The following SRRT variants were observed in gnomAD, a reference collection of about 807,000 sequenced individuals.
SRRT encodes serrate, RNA effector molecule, also known as serrate RNA effector molecule homolog.
Under a neutral mutation model 103.2 loss-of-function variants are expected in SRRT, and 32 were observed. The ratio of observed to expected loss-of-function variants is 0.31; its 90% CI spans 0.23 to 0.42. The LOEUF is 0.42. Among genes scored for constraint, SRRT ranks in the 10% least tolerant of loss-of-function variants. SRRT has a pLI of 1.00. For synonymous variants in SRRT, 525 were observed against 449.0 expected, an observed-to-expected ratio of 1.17 and a Z score of -2.14; for missense variants, 986 against 1,207.5, an observed-to-expected ratio of 0.82 and a Z score of 2.72.
At chr7:100,883,809 CCCTGTAGTCAT>C (rs1317389647) in intron 5 of SRRT, among the ~76,000 whole-genome samples, 1 of 152,200 alleles carries the variant, frequency 6.6e-6, no homozygotes, top group African/African-American at 2.4e-5. Context: ...CCTGGCGTCC[CCCTGTAGTCAT>C]TGGTCTTCCC....
Position 100,880,659 on chromosome 7 carries a change from G to A in SRRT, c.123-626G>A, listed in dbSNP as rs745554771. The A allele has an allele frequency of 2.3e-4, 96 of 412,046 alleles. 2 individuals carry two copies. The highest frequency in any genetic ancestry group is 1.6e-3 in the South Asian group (94 of 57,558). The allele number at this position is 412,046 out of a possible 1,614,324, so 25.5% of individuals were successfully genotyped here. A position where few individuals can be genotyped will look rare whatever the true frequency, so the allele number is the denominator to read the frequency against. The stretch of plus-strand genomic sequence containing the variant: ...TGAGGGGGTGATGGACTTCTAGTAG[G>A]GGATGATTTTTAAAAAGTTTTCTGT... On this transcript the variant is annotated intron_variant, in intron 2 of 19. Coordinates refer to ENST00000611405, the MANE Select transcript of SRRT (RefSeq NM_015908.6).
rs1183081826 is a variant in SRRT at position 100,884,220 on chromosome 7, T to G, written c.738T>G (p.Ile246Met). 12 of 1,614,048 alleles carry G rather than the reference T, an allele frequency of 7.4e-6. No individual in the cohort carries two copies. Among genetic ancestry groups the G allele is most frequent in the Non-Finnish European group, 9.3e-6 (11 of 1,180,012 alleles). ...TGGACATAGACAAAGCTGATGCCAT[T>G]GTCAAGATGCTGGATGCAGGTGTGC... ...LLLDIDKADA[I>M]VKMLDAAVIK... The change falls in exon 6 of 20, where the codon ATT becomes ATG. Residue 246 changes from isoleucine to methionine, a missense_variant. Around this residue, in one of 6 missense-constraint regions of SRRT, gnomAD observed 274 missense variants for 358.5 expected, o/e 0.76. Coordinates refer to ENST00000611405, the MANE Select transcript of SRRT (RefSeq NM_015908.6).
At position 100,884,163 on chromosome 7, in the gene SRRT, C is replaced by A. The variant is rs751467182; in HGVS notation, c.681C>A (p.Leu227=). ...LQNRLRVFLS[L]METGWFDNLL... Reference sequence around the variant, plus strand: ...ACCGACTGAGGGTCTTCCTGTCCCTCATGGAGACTGGCTGGTTTGATAACC... The same window carrying A: ...ACCGACTGAGGGTCTTCCTGTCCCTAATGGAGACTGGCTGGTTTGATAACC... The change falls in exon 6 of 20, where the codon CTC becomes CTA. Residue 227 remains leucine, a synonymous_variant. Coordinates refer to ENST00000611405, the MANE Select transcript of SRRT (RefSeq NM_015908.6). 1.9e-6 allele frequency: 3 copies of A among 1,614,120 alleles called. No homozygotes were observed. The South Asian group carries it at 3.3e-5, about 18-fold the overall frequency.
chr7:100,882,249 C>G lies in SRRT; in HGVS notation c.587+8C>G, dbSNP rs747776112. On this transcript the variant is annotated splice_region_variant and intron_variant, in intron 5 of 19. Transcript: ENST00000611405. This position sits in a 1 kb window ranked among gnomAD's most constrained non-coding sequence, Gnocchi z 4.2. ...GCACAAAGATGAGGAGTGGTGAGTG[C>G]CCCTACTTCCCTGGACCTCTGCCCT... is the stretch of plus-strand genomic sequence containing the variant. The G allele has an allele frequency of 1.2e-6, 2 of 1,612,556 alleles. No individual in the cohort carries two copies. Among genetic ancestry groups the G allele is most frequent in the African/African-American group, 2.7e-5 (2 of 74,910 alleles).
At position 100,882,156 on chromosome 7, in the gene SRRT, G is replaced by A; in HGVS notation, c.502G>A (p.Ala168Thr). Reference sequence around the variant, plus strand: ...GGATGACTCGGTGGATGAGACGGAGGCCGTCAAGCGCTATAATGACTACAA... The same window carrying A: ...GGATGACTCGGTGGATGAGACGGAGACCGTCAAGCGCTATAATGACTACAA... ...SLDDSVDETE[A>T]VKRYNDYKLD... The change falls in exon 5 of 20, where the codon GCC becomes ACC. Residue 168 changes from alanine (A) to threonine (T), a missense_variant. Physicochemically the swap from Ala to Thr is moderately conservative, Grantham distance 58. This residue lies in a region of SRRT where 274 missense variants were observed against 358.5 expected (regional missense o/e 0.76). Coordinates refer to ENST00000611405, the MANE Select transcript of SRRT (RefSeq NM_015908.6). The surrounding 1 kb of genome is among the most constrained non-coding windows in gnomAD (Gnocchi z 4.2). 1.2e-6 allele frequency: 2 copies of A among 1,614,150 alleles called. No individual in the cohort carries two copies. Among genetic ancestry groups the A allele is most frequent in the Non-Finnish European group, 8.5e-7 (1 of 1,180,016 alleles).
At chr7:100,881,845 G>A in intron 4 of SRRT, 40 bp downstream of exon 4, 1 of 1,553,724 alleles carries the variant, frequency 6.4e-7, no homozygotes, top group Non-Finnish European at 8.6e-7. Context: ...GGTAGGCCTG[G>A]GGGATGGATG....
At position 100,884,559 on chromosome 7, in the gene SRRT, G is replaced by A. The variant is rs1789898977; in HGVS notation, c.942+7G>A. On this transcript the variant is annotated splice_region_variant and intron_variant, in intron 7 of 19. Coordinates refer to ENST00000611405, the MANE Select transcript of SRRT (RefSeq NM_015908.6). ...GAAGGAAGACGGCAAGCAGGTCCGAGCCCTGGGTCTCCTAGTGTTGTCCCT... is the reference window on the plus strand; with the variant it reads ...GAAGGAAGACGGCAAGCAGGTCCGAACCCTGGGTCTCCTAGTGTTGTCCCT... 7.2e-7 allele frequency: 1 copy of A among 1,383,108 alleles called. No homozygotes were observed. Among genetic ancestry groups the A allele is most frequent in the African/African-American group, 1.5e-5 (1 of 66,746 alleles). The allele number at this position is 1,383,108 out of a possible 1,614,324, so 85.7% of individuals were successfully genotyped here.
At position 100,881,367 on chromosome 7, in the gene SRRT, C is replaced by G. The variant is rs1446578799; in HGVS notation, c.205C>G (p.Pro69Ala). Reference protein sequence around the residue: ...DRNRRERFSPPRHELSPPQKR... With the variant: ...DRNRRERFSPARHELSPPQKR... ...GAATCGGCGAGAGCGCTTCTCGCCA[C>G]CTCGCCACGAACTCAGCCCGCCACA... Residue 69 changes from proline (P) to alanine (A), a missense_variant, in exon 3 of 20, where the codon CCT (proline) becomes GCT (alanine). Physicochemically the swap from Pro to Ala is conservative, Grantham distance 27. Transcript: ENST00000611405. 9.9e-6 allele frequency: 16 copies of G among 1,613,226 alleles called. No individual in the cohort carries two copies. The highest frequency in any genetic ancestry group is 1.4e-5 in the Non-Finnish European group (16 of 1,179,800).
intron 2 of SRRT, among the ~76,000 whole-genome samples, chr7:100,879,059 G>A (rs190948069): frequency 6.6e-6 from 1 of 151,874 alleles, no homozygotes; most frequent in African/African-American, 2.4e-5. Context: ...GGTTCAAAAC[G>A]ATTCTCCCAC....
rs1209730037 is a variant in SRRT, at chr7:100,888,642, C to T, written c.*93C>T. The T allele has an allele frequency of 2.0e-6, 3 of 1,527,946 alleles. No individual in the cohort carries two copies. Among genetic ancestry groups the T allele is most frequent in the African/African-American group, 1.4e-5 (1 of 73,182 alleles). The allele number at this position is 1,527,946 out of a possible 1,614,324, so 94.6% of individuals were successfully genotyped here. A position where few individuals can be genotyped will look rare whatever the true frequency, so the allele number is the denominator to read the frequency against. On this transcript the variant is annotated 3_prime_UTR_variant, in exon 20 of 20. Coordinates refer to ENST00000611405, the MANE Select transcript of SRRT (RefSeq NM_015908.6). Reference sequence around the variant, plus strand: ...ATTTTTTGTACGATCAGCCTTACTGCTAATAAAAGCACTTCCACAGGGCTC... The same window carrying T: ...ATTTTTTGTACGATCAGCCTTACTGTTAATAAAAGCACTTCCACAGGGCTC...
chr7:100,888,377 GC>G lies in SRRT; in HGVS notation c.2550del (p.Asn851ThrfsTer?). On this transcript the variant is annotated frameshift_variant, in exon 19 of 20. Coordinates refer to ENST00000611405, the MANE Select transcript of SRRT (RefSeq NM_015908.6). LOFTEE classifies it high-confidence loss of function. ...CAGGGAGGTTATCCTGGGAAACCTC[GC>G]AACAGGTGAGGAGGGCAGACGCCCA... ...RGQGGYPGKP[R>X]NRMVRGDPRA... 1 of 1,613,790 alleles carries G rather than the reference GC, an allele frequency of 6.2e-7. No homozygotes were observed. Among genetic ancestry groups the G allele is most frequent in the Non-Finnish European group, 8.5e-7 (1 of 1,179,816 alleles).
At chr7:100,886,078 T>C in intron 12 of SRRT, 137 bp downstream of exon 12, 1 of 1,293,612 alleles carries the variant, frequency 7.7e-7, no homozygotes, top group Non-Finnish European at 1.1e-6. Flanking sequence ...ACGTTGTCTC[T>C]GGGCAAGGCT....
rs113814416 is a variant in SRRT, at chr7:100,885,564, T to C, written c.1318-137T>C. The C allele has an allele frequency of 2.3e-4, 258 of 1,118,784 alleles. 1 individual carries two copies. In the African/African-American group the frequency reaches 3.2e-3, roughly 14 times the overall value. 69.3% of individuals were successfully genotyped at this position (1,118,784 alleles called of 1,614,324 possible). On this transcript the variant is annotated intron_variant, in intron 10 of 19. Transcript: ENST00000611405. This position sits in a 1 kb window ranked among gnomAD's most constrained non-coding sequence, Gnocchi z 4.8. ...CAGGTGCTGGTGTTCTGAAGCCCTT[T>C]AGTGGTTTTTCCCTGCCCAAGGATG...
At position 100,887,973 on chromosome 7, in the gene SRRT, C is replaced by T; in HGVS notation, c.2327-69C>T. ...TTTCTGCCCCATCCTCAGGCCATAG[C>T]CCTAGAAGTCAATTGTACCCGTATC... On this transcript the variant is annotated intron_variant, in intron 17 of 19. Transcript: ENST00000611405. The surrounding 1 kb of genome is among the most constrained non-coding windows in gnomAD (Gnocchi z 4.1). The T allele has an allele frequency of 5.2e-6, 8 of 1,529,336 alleles. No homozygotes were observed. Among genetic ancestry groups the T allele is most frequent in the South Asian group, 3.8e-5 (3 of 78,318 alleles). The allele number at this position is 1,529,336 out of a possible 1,614,324, so 94.7% of individuals were successfully genotyped here.
rs770097407 is a variant in SRRT at position 100,875,568 on chromosome 7, C to A, written c.-18-5C>A. 3 of 1,613,528 alleles carry A rather than the reference C, an allele frequency of 1.9e-6. No individual in the cohort carries two copies. The highest frequency in any genetic ancestry group is 2.5e-6 in the Non-Finnish European group (3 of 1,179,660). The stretch of plus-strand genomic sequence containing the variant: ...CCACTCCTACCGCCTCTCCCCGGTC[C>A]CCAGGCCCCCTCAGACCGTGCCATG... On this transcript the variant is annotated splice_region_variant and splice_polypyrimidine_tract_variant and intron_variant, in intron 1 of 19. Coordinates refer to ENST00000611405, the MANE Select transcript of SRRT (RefSeq NM_015908.6).
At chr7:100,876,640 C>T (rs1251361566) in intron 2 of SRRT, among the ~76,000 whole-genome samples, 4 of 152,096 alleles carry the variant, frequency 2.6e-5, no homozygotes, top group East Asian at 3.8e-4. Context: ...GTTCATAGGG[C>T]GGTGCTGATT....
chr7:100,877,123 A>G (rs1815796055), intron 2 of SRRT, among the ~76,000 whole-genome samples: 1 of 151,742 alleles, frequency 6.6e-6, no homozygotes, highest in African/African-American at 2.4e-5. Flanking sequence ...GACAGCAAAG[A>G]GTTAAAAAAA....
At chr7:100,883,979 GA>G in intron 5 of SRRT, 90 bp from the exon 6 acceptor site, 1 of 1,379,332 alleles carries the variant, frequency 7.2e-7, no homozygotes, top group Non-Finnish European at 9.8e-7. Context: ...GAGGAAGGGG[GA>G]TATGCCCTGT....
chr7:100,885,959 G>C lies in SRRT; in HGVS notation c.1458+18G>C. ...ACATCCGTGTGAGTGCTGGGGGTGG[G>C]ACTGTGGGGAAGAGGAAGGGAGACT... On this transcript the variant is annotated intron_variant, in intron 12 of 19. Transcript: ENST00000611405. The surrounding 1 kb of genome is among the most constrained non-coding windows in gnomAD (Gnocchi z 4.8). The C allele has an allele frequency of 1.2e-6, 2 of 1,613,118 alleles. No homozygotes were observed. The highest frequency in any genetic ancestry group is 1.7e-6 in the Non-Finnish European group (2 of 1,179,494).
Sources: gnomAD v4.1 joint callset for allele counts (sites outside exome capture counted in the v4.1 genomes callset) on GRCh38, gnomAD v4.1.1 for gene constraint, gnomAD v4.1.1 regional missense constraint, Gnocchi (gnomAD v3.1) non-coding constraint, MANE v1.5 for transcripts, NCBI Gene and HGNC (gene_info 2026-07-23, HGNC 2026-07-21) for gene names.